Variants in DLGAP2 observed in about 807,000 individuals in gnomAD.
The protein encoded by DLGAP2 is DLG associated protein 2.
A neutral mutation model predicts 100.3 loss-of-function variants in DLGAP2; 26 were observed. The observed-to-expected ratio is 0.26, with a 90% confidence interval of 0.19 to 0.36. DLGAP2 has a LOEUF of 0.36. Among genes scored for constraint, DLGAP2 ranks in the 10% least tolerant of loss-of-function variants. The pLI, the probability that DLGAP2 is intolerant of heterozygous loss-of-function variation, is 1.00. For missense variants in DLGAP2, 1,858 were observed against 1,453.2 expected, an observed-to-expected ratio of 1.28 and a Z score of -4.53; for synonymous variants, 886 against 630.1, an observed-to-expected ratio of 1.41 and a Z score of -6.08.
At chr8:891,764 G>A (rs1404673076) in intron 1 of DLGAP2, 1 of 152,252 alleles carries the variant, frequency 6.6e-6, no homozygotes, top group South Asian at 2.1e-4. Context: ...AGCACGCCAG[G>A]ATCCCAGCCA....
intron 1 of DLGAP2, among the ~76,000 whole-genome samples, chr8:846,635 C>T (rs889153113): frequency 2.6e-5 from 4 of 152,136 alleles, no homozygotes; most frequent in African/African-American, 9.7e-5. Context: ...ACTTTATTTC[C>T]TTTTGATAAT....
intron 2 of DLGAP2, among the ~76,000 whole-genome samples, chr8:1,232,802 A>G (rs562804335): frequency 1.3e-5 from 2 of 152,328 alleles, no homozygotes; most frequent in South Asian, 4.1e-4. Flanking sequence ...AAGTGTAGTA[A>G]ACGTATCGCA....
chr8:1,369,734 C>T (rs959201267), intron 3 of DLGAP2: 1 of 152,288 alleles, frequency 6.6e-6, no homozygotes, highest in Non-Finnish European at 1.5e-5. Context: ...CCTGCCAAGT[C>T]CTGCAGCCTC....
At chr8:1,644,445 G>A (rs964226501) in intron 8 of DLGAP2, among the ~76,000 whole-genome samples, 2 of 152,210 alleles carry the variant, frequency 1.3e-5, no homozygotes, top group South Asian at 2.1e-4. Flanking sequence ...TGCCTCTACG[G>A]CTGCTGCTCG....
intron 2 of DLGAP2, among the ~76,000 whole-genome samples, chr8:1,227,463 G>A (rs1232654155): frequency 6.6e-6 from 1 of 150,608 alleles, no homozygotes; most frequent in Non-Finnish European, 1.5e-5. Context: ...TGAATCTCTT[G>A]CAGGCAGCCT....
chr8:1,686,884 AAC>A (rs1799129318), intron 12 of DLGAP2, among the ~76,000 whole-genome samples: 1 of 152,246 alleles, frequency 6.6e-6, no homozygotes, highest in Non-Finnish European at 1.5e-5. Flanking sequence ...TAATGTTCCC[AAC>A]ACACACACAT....
At chr8:1,350,468 C>G (rs71497109) in intron 3 of DLGAP2, among the ~76,000 whole-genome samples, 39 of 22,532 alleles carry the variant, frequency 1.7e-3, no homozygotes, top group South Asian at 2.5e-3. Context: ...CGGGTCCTGA[C>G]TGTGCGTGGA....
At chr8:1,036,739 G>A (rs537445483) in intron 2 of DLGAP2, among the ~76,000 whole-genome samples, 66 of 152,284 alleles carry the variant, frequency 4.3e-4, no homozygotes, top group Admixed American at 7.8e-4. Flanking sequence ...CAGCTGTAGC[G>A]GAGCGTGGAG....
intron 3 of DLGAP2, among the ~76,000 whole-genome samples, chr8:1,326,003 G>A (rs1489892051): frequency 1.3e-5 from 2 of 152,158 alleles, no homozygotes; most frequent in East Asian, 3.8e-4. Flanking sequence ...TAGCCATCTG[G>A]TTTTCAGGAC....
rs150920771 is a variant in DLGAP2 at position 1,074,390 on chromosome 8, G to C, written c.73+166424G>C. On this transcript the variant is annotated intron_variant, in intron 2 of 14. Transcript: ENST00000637795. ...CTGTCACAGAAGGGTTTGCAGCACAGAATTTCTCTTCAGCCTTTCAGTTCA... is the reference window on the plus strand; with the variant it reads ...CTGTCACAGAAGGGTTTGCAGCACACAATTTCTCTTCAGCCTTTCAGTTCA... Among the ~76,000 whole-genome samples, 374 of 152,288 alleles carry C rather than the reference G, an allele frequency of 2.5e-3. 2 individuals are homozygous for C. Among genetic ancestry groups the C allele is most frequent in the African/African-American group, 8.6e-3 (359 of 41,524 alleles).
At chr8:1,525,946 T>C (rs978659268) in intron 4 of DLGAP2, among the ~76,000 whole-genome samples, 7 of 152,178 alleles carry the variant, frequency 4.6e-5, no homozygotes, top group Non-Finnish European at 2.9e-5. Flanking sequence ...TGCTTGGCAT[T>C]AGACGTGTTT....
At chr8:1,180,741 CTG>C (rs988795631) in intron 2 of DLGAP2, among the ~76,000 whole-genome samples, 9 of 140,390 alleles carry the variant, frequency 6.4e-5, no homozygotes, top group Non-Finnish European at 7.9e-5. Context: ...ACCATTGAGT[CTG>C]TGTGGGTGTG....
intron 3 of DLGAP2, among the ~76,000 whole-genome samples, chr8:1,280,252 T>G (rs1040731768): frequency 2.0e-5 from 3 of 152,190 alleles, no homozygotes; most frequent in African/African-American, 7.2e-5. Flanking sequence ...GTCCTGCTAC[T>G]GAGGCTTTGA....
At chr8:1,541,723 C>T (rs1168247663) in intron 4 of DLGAP2, among the ~76,000 whole-genome samples, 4 of 152,220 alleles carry the variant, frequency 2.6e-5, no homozygotes, top group Non-Finnish European at 5.9e-5. Context: ...CTTTCCTCAG[C>T]AGTTATCTGG....
At chr8:1,466,977 T>C (rs1798644018) in intron 3 of DLGAP2, among the ~76,000 whole-genome samples, 1 of 152,194 alleles carries the variant, frequency 6.6e-6, no homozygotes, top group African/African-American at 2.4e-5. Context: ...TTGTAAAAAG[T>C]GGCTGAAAGG....
chr8:1,091,075 G>A (rs1217254023), intron 2 of DLGAP2, among the ~76,000 whole-genome samples: 5 of 152,122 alleles, frequency 3.3e-5, no homozygotes, highest in Admixed American at 2.6e-4. Flanking sequence ...CCCCGTCTGC[G>A]CACAGGGCTC....
intron 3 of DLGAP2, among the ~76,000 whole-genome samples, chr8:1,328,417 C>T (rs1351156419): frequency 6.6e-6 from 1 of 152,162 alleles, no homozygotes; most frequent in Non-Finnish European, 1.5e-5. Flanking sequence ...CTCCTGGGTT[C>T]AGGCTATTCT....
Position 1,549,202 on chromosome 8 carries a change from C to A in DLGAP2, c.749C>A (p.Ser250Tyr). The A allele has an allele frequency of 3.7e-6, 6 of 1,601,444 alleles. No individual in the cohort carries two copies. Among genetic ancestry groups the A allele is most frequent in the Non-Finnish European group, 5.1e-6 (6 of 1,174,882 alleles). The change falls in exon 5 of 15, where the codon TCC (serine) becomes TAC (tyrosine). Residue 250 changes from serine to tyrosine, a missense_variant. Ser to Tyr is a moderately radical substitution (Grantham distance 144). Coordinates refer to ENST00000637795, the MANE Select transcript of DLGAP2 (RefSeq NM_001346810.2). ...FTKSHSLEGS[S>Y]KSNANGTKAD... ...AAGTCGCACTCGCTGGAGGGCTCCT[C>A]CAAAAGCAACGCCAACGGCACCAAG...
chr8:1,705,693 CTCT>C lies in DLGAP2; in HGVS notation c.*4294_*4296del, dbSNP rs1301713170. On this transcript the variant is annotated 3_prime_UTR_variant, in exon 15 of 15. Transcript: ENST00000637795. ...GTTCCTGCCTGCTCATTTCCCAGCC[CTCT>C]TCTTCTCAAGCCTGAACTTCATTTT... is the stretch of plus-strand genomic sequence containing the variant. 3 of 152,180 alleles carry C rather than the reference CTCT, an allele frequency of 2.0e-5. No individual in the cohort carries two copies. The highest frequency in any genetic ancestry group is 4.1e-4 in the South Asian group (2 of 4,828). 9.4% of individuals were successfully genotyped at this position (152,180 alleles called of 1,614,324 possible). A position where few individuals can be genotyped will look rare whatever the true frequency, so the allele number is the denominator to read the frequency against.
Sources: allele counts gnomAD v4.1 joint callset (sites outside exome capture counted in the v4.1 genomes callset), GRCh38; gene constraint gnomAD v4.1.1; transcripts MANE v1.5; gene names NCBI Gene and HGNC (gene_info 2026-07-23, HGNC 2026-07-21).